Variants in LINGO2 observed in about 807,000 individuals in gnomAD.
The protein encoded by LINGO2 is leucine-rich repeat and immunoglobulin-like domain-containing nogo receptor-interacting protein 2.
A neutral mutation model predicts 30.6 loss-of-function variants in LINGO2; 14 were observed. The observed-to-expected ratio is 0.46, with a 90% CI of 0.30 to 0.72. LINGO2 has a LOEUF of 0.72. Among genes scored for constraint, LINGO2 ranks in the 30% least tolerant of loss-of-function variants. The probability of loss-of-function intolerance (pLI) is 0.07; values close to 1 mark genes in which losing one functional copy is unlikely to be tolerated. For synonymous variants in LINGO2, 317 were observed against 288.5 expected (o/e 1.10, Z -1.00); for missense variants, 729 against 751.7 (o/e 0.97, Z 0.35).
intron 4 of LINGO2, chr9:28,149,360 G>T (rs541561406): frequency 2.0e-5 from 9 of 442,016 alleles, no homozygotes; most frequent in Middle Eastern, 6.3e-4. Context: ...CCACCGTCTG[G>T]GAAGTGAGGA....
the LINGO2 span, among the ~76,000 whole-genome samples, chr9:29,140,446 A>G: frequency 1.3e-5 from 2 of 151,862 alleles, no homozygotes; most frequent in South Asian, 4.1e-4. Context: ...AAGCAGAAGA[A>G]AGAAGCAGTG....
intron 5 of LINGO2, among the ~76,000 whole-genome samples, chr9:27,967,672 C>G (rs1820163898): frequency 6.6e-6 from 1 of 152,120 alleles, no homozygotes; most frequent in South Asian, 2.1e-4. Context: ...TTTATATCAA[C>G]TATCTAAATG....
At chr9:28,347,088 G>A (rs75056995) in intron 3 of LINGO2, among the ~76,000 whole-genome samples, 2,043 of 152,080 alleles carry the variant, frequency 0.013, 36 homozygotes, top group African/African-American at 0.047. Context: ...TACAAAATAT[G>A]TTTTATATTC....
intron 1 of LINGO2, among the ~76,000 whole-genome samples, chr9:28,528,715 A>G (rs970864105): frequency 6.6e-6 from 1 of 152,138 alleles, no homozygotes; most frequent in African/African-American, 2.4e-5. Flanking sequence ...ACTAAATACT[A>G]AGATAAATAA....
the LINGO2 span, among the ~76,000 whole-genome samples, chr9:28,777,856 T>A: frequency 2.6e-5 from 4 of 152,192 alleles, no homozygotes; most frequent in Non-Finnish European, 4.4e-5. Flanking sequence ...GTGTATAAAT[T>A]TAAGGTATTA....
At chr9:28,492,897 G>C (rs956677380) in intron 1 of LINGO2, among the ~76,000 whole-genome samples, 1 of 152,104 alleles carries the variant, frequency 6.6e-6, no homozygotes, top group Admixed American at 6.6e-5. Flanking sequence ...TCATCACTGA[G>C]CAATTATCCT....
At chr9:28,724,904 G>A in the LINGO2 span, among the ~76,000 whole-genome samples, 1 of 151,916 alleles carries the variant, frequency 6.6e-6, no homozygotes, top group East Asian at 1.9e-4. Flanking sequence ...AGAATTCAAA[G>A]GTTTTGTAGA....
At chr9:28,465,406 CT>C (rs1251099125) in intron 2 of LINGO2, among the ~76,000 whole-genome samples, 1 of 152,128 alleles carries the variant, frequency 6.6e-6, no homozygotes, top group Non-Finnish European at 1.5e-5. Flanking sequence ...TCAGATGCTT[CT>C]TTCTTTTGTG....
chr9:28,290,724 G>A (rs1823696657), intron 4 of LINGO2, among the ~76,000 whole-genome samples: 1 of 152,094 alleles, frequency 6.6e-6, no homozygotes, highest in African/African-American at 2.4e-5. Context: ...TCTGGATGTG[G>A]GTATTTAGTG....
chr9:27,978,109 C>T (rs1052623769), intron 5 of LINGO2, among the ~76,000 whole-genome samples: 3 of 152,012 alleles, frequency 2.0e-5, no homozygotes, highest in African/African-American at 4.8e-5. Flanking sequence ...GGTTCTTTGT[C>T]CTTTACAGCC....
At chr9:28,506,694 C>T (rs1820153934) in intron 1 of LINGO2, among the ~76,000 whole-genome samples, 2 of 150,800 alleles carry the variant, frequency 1.3e-5, no homozygotes, top group South Asian at 2.1e-4. Context: ...AACAACTATT[C>T]ACTGATATAT....
chr9:28,055,583 G>C (rs1307930052), intron 4 of LINGO2, among the ~76,000 whole-genome samples: 6 of 152,178 alleles, frequency 3.9e-5, no homozygotes, highest in African/African-American at 1.4e-4. Flanking sequence ...TAAGGCTTCA[G>C]TCTAATTTCT....
chr9:28,057,852 T>G (rs1825008626), intron 4 of LINGO2, among the ~76,000 whole-genome samples: 1 of 152,062 alleles, frequency 6.6e-6, no homozygotes, highest in Admixed American at 6.6e-5. Flanking sequence ...TAACTCCTGC[T>G]TATTCTTCAG....
At chr9:28,891,723 T>C in the LINGO2 span, among the ~76,000 whole-genome samples, 2 of 151,894 alleles carry the variant, frequency 1.3e-5, no homozygotes, top group Non-Finnish European at 2.9e-5. Flanking sequence ...ACAACCTTTC[T>C]GCTACTTATT....
At chr9:28,018,585 A>G (rs1822957238) in intron 4 of LINGO2, among the ~76,000 whole-genome samples, 1 of 152,200 alleles carries the variant, frequency 6.6e-6, no homozygotes. Context: ...TAAGCATATG[A>G]AAAAAATCCT....
the LINGO2 span, among the ~76,000 whole-genome samples, chr9:29,050,922 T>C: frequency 1.3e-5 from 2 of 152,346 alleles, no homozygotes; most frequent in Admixed American, 6.5e-5. Flanking sequence ...AATTAATTTG[T>C]AGTATCTAAA....
the LINGO2 span, among the ~76,000 whole-genome samples, chr9:28,695,053 A>C: frequency 1.3e-5 from 1 of 79,306 alleles, no homozygotes; most frequent in Non-Finnish European, 2.4e-5. Context: ...TCTAATACAA[A>C]CAAACAAACA....
intron 1 of LINGO2, among the ~76,000 whole-genome samples, chr9:28,503,988 C>A (rs10968624): frequency 0.24 from 35,904 of 151,688 alleles, 4,685 homozygotes; most frequent in Non-Finnish European, 0.28. Flanking sequence ...TTAGTGGATA[C>A]TTCTTTAACT....
the LINGO2 span, among the ~76,000 whole-genome samples, chr9:28,749,250 T>C: frequency 2.6e-5 from 4 of 151,994 alleles, no homozygotes; most frequent in East Asian, 7.7e-4. Flanking sequence ...AGCCCTCTCC[T>C]CTGGAAAATG....
Sources: allele counts gnomAD v4.1 joint callset (sites outside exome capture counted in the v4.1 genomes callset), GRCh38; gene constraint gnomAD v4.1.1; transcripts MANE v1.5; gene names NCBI Gene and HGNC (gene_info 2026-07-23, HGNC 2026-07-21).